The following FRMD4B variants were observed in gnomAD, a reference collection of about 807,000 sequenced individuals.
FRMD4B encodes FERM domain-containing protein 4B.
In FRMD4B, 74 loss-of-function variants were observed where a neutral mutation model predicts 141.5. The observed-to-expected ratio is 0.52, with a 90% CI of 0.43 to 0.63. The LOEUF (loss-of-function observed/expected upper bound fraction) is 0.63, where lower values mean the gene tolerates loss of function less well. Among genes scored for constraint, FRMD4B ranks in the 30% least tolerant of loss-of-function variants. The pLI, the probability that FRMD4B is intolerant of heterozygous loss-of-function variation, is 0.00. For synonymous variants in FRMD4B, 506 were observed against 467.9 expected, an observed-to-expected ratio of 1.08 and a Z score of -1.05; for missense variants, 1,366 against 1,253.4, an observed-to-expected ratio of 1.09 and a Z score of -1.36.
At chr3:69,256,450 A>G (rs2093493641) in intron 5 of FRMD4B, among the ~76,000 whole-genome samples, 1 of 152,070 alleles carries the variant, frequency 6.6e-6, no homozygotes, top group South Asian at 2.1e-4. Flanking sequence ...CTCCTGATCA[A>G]CTGGGATTAC....
intron 4 of FRMD4B, chr3:69,293,047 C>T (rs998462671): frequency 1.5e-5 from 7 of 452,988 alleles, no homozygotes; most frequent in East Asian, 7.0e-5. Context: ...TTGGGCTCCT[C>T]CCATTAGCAT....
intron 5 of FRMD4B, among the ~76,000 whole-genome samples, chr3:69,252,284 G>A (rs578155018): frequency 6.6e-6 from 1 of 152,356 alleles, no homozygotes; most frequent in East Asian, 1.9e-4. Context: ...AGCAAGACAA[G>A]TACCAGGCTC....
intron 2 of FRMD4B, among the ~76,000 whole-genome samples, chr3:69,408,198 A>G (rs528759099): frequency 1.3e-5 from 2 of 152,330 alleles, no homozygotes; most frequent in East Asian, 3.9e-4. Context: ...AGGTGAAATC[A>G]GGGGAAAATT....
intron 19 of FRMD4B, among the ~76,000 whole-genome samples, chr3:69,183,355 AACAGGCAG>A (rs2092729111): frequency 6.6e-6 from 1 of 152,100 alleles, no homozygotes; most frequent in African/African-American, 2.4e-5. Context: ...TCTGCGCAAA[AACAGGCAG>A]CAGGATGGAT....
intron 1 of FRMD4B, among the ~76,000 whole-genome samples, chr3:69,506,509 A>T (rs552093679): frequency 6.6e-6 from 1 of 152,046 alleles, no homozygotes; most frequent in East Asian, 1.9e-4. Context: ...TCCTCAGAGT[A>T]AATAAAGGTA....
At chr3:69,307,834 C>G (rs1701444050) in intron 3 of FRMD4B, among the ~76,000 whole-genome samples, 1 of 152,188 alleles carries the variant, frequency 6.6e-6, no homozygotes, top group Admixed American at 6.5e-5. Flanking sequence ...CATTCCTCCT[C>G]CCTATAACAT....
At chr3:69,515,975 T>C (rs1277368880) in intron 1 of FRMD4B, among the ~76,000 whole-genome samples, 9 of 152,112 alleles carry the variant, frequency 5.9e-5, no homozygotes, top group Admixed American at 5.9e-4. Context: ...TGGCTCATAC[T>C]TGTGCTTTGT....
At chr3:69,504,866 A>G (rs915753723) in intron 1 of FRMD4B, among the ~76,000 whole-genome samples, 1 of 152,236 alleles carries the variant, frequency 6.6e-6, no homozygotes, top group Admixed American at 6.5e-5. Flanking sequence ...GACACTTTCA[A>G]TTAAAGCTTT....
intron 2 of FRMD4B, among the ~76,000 whole-genome samples, chr3:69,410,726 AATATATATAT>A (rs767608068): frequency 8.0e-4 from 69 of 86,276 alleles, no homozygotes; most frequent in South Asian, 3.5e-3. Flanking sequence ...TAAATAAATA[AATATATATAT>A]ATATATATAT....
intron 4 of FRMD4B, among the ~76,000 whole-genome samples, chr3:69,291,384 T>A (rs1458388764): frequency 6.6e-6 from 1 of 152,306 alleles, no homozygotes; most frequent in South Asian, 2.1e-4. Flanking sequence ...TATTTTCCCA[T>A]TGCCTCCAAA....
chr3:69,343,585 T>TTTG (rs1559818249), intron 1 of FRMD4B, among the ~76,000 whole-genome samples: 30 of 148,712 alleles, frequency 2.0e-4, no homozygotes, highest in Middle Eastern at 3.5e-3. Flanking sequence ...TTGTTTTTTT[T>TTTG]TTTTTTTTTT....
In FRMD4B at chr3:69,369,477, A is replaced by G. The variant is rs970925444; in HGVS notation, c.162+16351T>C. 1.3e-4 allele frequency among the ~76,000 whole-genome samples: 20 copies of G among 152,156 alleles called. No individual in the cohort carries two copies. In the East Asian group the frequency reaches 3.7e-3, roughly 28 times the overall value. ...TTAGTATATAAGCCTGAAAAAATTAAACTGATGCAACTGTGTGCTGAATAA... is the reference window on the plus strand; with the variant it reads ...TTAGTATATAAGCCTGAAAAAATTAGACTGATGCAACTGTGTGCTGAATAA... On this transcript the variant is annotated intron_variant, in intron 1 of 22. Coordinates refer to ENST00000398540, the MANE Select transcript of FRMD4B (RefSeq NM_015123.3).
rs150617437 is a variant in FRMD4B at position 69,284,786 on chromosome 3, T to G, written c.501+2966A>C. Among the ~76,000 whole-genome samples the G allele has an allele frequency of 8.6e-3, 1,313 of 152,296 alleles. 29 individuals are homozygous for G. The highest frequency in any genetic ancestry group is 0.03 in the African/African-American group (1,259 of 41,552). On this transcript the variant is annotated intron_variant, in intron 5 of 22. Coordinates refer to ENST00000398540, the MANE Select transcript of FRMD4B (RefSeq NM_015123.3). ...ACAGACAAAGGCATTAAAACAATTA[T>G]TATAACTATATTTAATATGCTTAAA...
chr3:69,471,004 T>C (rs1705879410), intron 1 of FRMD4B, among the ~76,000 whole-genome samples: 1 of 152,280 alleles, frequency 6.6e-6, no homozygotes, highest in East Asian at 1.9e-4. Flanking sequence ...AAGTGATTTT[T>C]GCCAACACTC....
At chr3:69,181,957 C>T (rs1296111874) in intron 20 of FRMD4B, among the ~76,000 whole-genome samples, 1 of 152,010 alleles carries the variant, frequency 6.6e-6, no homozygotes, top group African/African-American at 2.4e-5. Context: ...CAAATCCTTC[C>T]TTGAGGGTAG....
intron 1 of FRMD4B, among the ~76,000 whole-genome samples, chr3:69,363,778 C>T (rs989511127): frequency 6.6e-6 from 1 of 152,172 alleles, no homozygotes; most frequent in Non-Finnish European, 1.5e-5. Context: ...CTTAACCAAT[C>T]CCTGGCAGAG....
chr3:69,284,388 G>A (rs2093657989), intron 5 of FRMD4B, among the ~76,000 whole-genome samples: 1 of 152,124 alleles, frequency 6.6e-6, no homozygotes, highest in Non-Finnish European at 1.5e-5. Context: ...CAGGGCTGGA[G>A]GTGGTGCCTA....
Position 69,224,670 on chromosome 3 carries a change from T to C in FRMD4B, c.602A>G (p.Asp201Gly). The C allele has an allele frequency of 6.4e-7, 1 of 1,563,084 alleles. No individual in the cohort carries two copies. Among genetic ancestry groups the C allele is most frequent in the South Asian group, 1.2e-5 (1 of 86,400 alleles). The change falls in exon 8 of 23, where the codon GAT (aspartate) becomes GGT (glycine). Residue 201 changes from aspartate (D) to glycine (G), a missense_variant. Coordinates refer to ENST00000398540, the MANE Select transcript of FRMD4B (RefSeq NM_015123.3). The stretch of plus-strand genomic sequence containing the variant: ...TGGAAAGGCTGGTAATGTCTTTAAA[T>C]CTTTCCTGGCATTTTCATCACTAAA... ...DYTSDENARK[D>G]LKTLPAFPTK... is the part of the protein sequence containing the mutation.
intron 1 of FRMD4B, among the ~76,000 whole-genome samples, chr3:69,373,751 G>T (rs1320533909): frequency 1.3e-5 from 2 of 151,932 alleles, no homozygotes; most frequent in African/African-American, 4.8e-5. Flanking sequence ...GGCGCGCCTG[G>T]AGTCTTAGCT....
Sources: allele counts gnomAD v4.1 joint callset (sites outside exome capture counted in the v4.1 genomes callset), GRCh38; gene constraint gnomAD v4.1.1; transcripts MANE v1.5; gene names NCBI Gene and HGNC (gene_info 2026-07-23, HGNC 2026-07-21).